The following PFKL variants were observed in gnomAD, a reference collection of about 807,000 sequenced individuals.
PFKL encodes ATP-dependent 6-phosphofructokinase, liver type.
In PFKL, 74 loss-of-function variants were observed where a neutral mutation model predicts 92.1. The observed-to-expected ratio is 0.80, with a 90% CI of 0.67 to 0.97. PFKL has a LOEUF of 0.97. Ranked by LOEUF, PFKL falls within the 50% of genes least tolerant of loss-of-function variation. The pLI is 0.00. For synonymous variants in PFKL, 494 were observed against 456.4 expected (o/e 1.08, Z -1.05); for missense variants, 1,028 against 1,116.6 (o/e 0.92, Z 1.13).
intron 1 of PFKL, among the ~76,000 whole-genome samples, chr21:44,303,433 C>CAA (rs766852746): frequency 8.1e-5 from 3 of 36,810 alleles, no homozygotes; most frequent in South Asian, 1.6e-3. Context: ...CAGACTTGAC[C>CAA]AAAAAAAAAA....
chr21:44,304,230 T>C lies in PFKL; in HGVS notation c.86-2451T>C. The C allele has an allele frequency of 2.3e-6, 3 of 1,288,894 alleles. No individual in the cohort carries two copies. In the South Asian group the frequency reaches 3.7e-5, roughly 16 times the overall value. 79.8% of individuals were successfully genotyped at this position (1,288,894 alleles called of 1,614,324 possible). On this transcript the variant is annotated intron_variant, in intron 1 of 21. Transcript: ENST00000349048. The stretch of plus-strand genomic sequence containing the variant: ...CCTGAAGACATTTGGAAGTGAGGGG[T>C]ACCCTTGCTGACCCCTGATCCTGGG...
intron 9 of PFKL, among the ~76,000 whole-genome samples, chr21:44,316,975 G>C (rs1219249224): frequency 1.3e-5 from 2 of 152,184 alleles, no homozygotes; most frequent in Non-Finnish European, 2.9e-5. Context: ...AGAGGGGCTG[G>C]GTGGGCAGAG....
At chr21:44,304,158 G>A (rs565684514) in intron 1 of PFKL, 6 of 1,263,734 alleles carry the variant, frequency 4.7e-6, no homozygotes, top group East Asian at 6.0e-5. Flanking sequence ...GGTTTTGGCA[G>A]CTTCATTGTC....
chr21:44,302,816 G>A (rs995840463), intron 1 of PFKL, among the ~76,000 whole-genome samples: 1 of 152,234 alleles, frequency 6.6e-6, no homozygotes, highest in Non-Finnish European at 1.5e-5. Context: ...CAGCCCACAA[G>A]TCCTGTCCTG....
At chr21:44,301,863 G>C (rs148043517) in intron 1 of PFKL, among the ~76,000 whole-genome samples, 2 of 152,180 alleles carry the variant, frequency 1.3e-5, no homozygotes, top group East Asian at 3.9e-4. Context: ...GGGGTGGCAC[G>C]TGCCCCCCCC....
intron 7 of PFKL, 100 bp from the exon 8 acceptor site, chr21:44,316,144 T>G: frequency 9.5e-7 from 1 of 1,049,528 alleles, no homozygotes; most frequent in Non-Finnish European, 1.5e-6. Context: ...CCATGTGGGT[T>G]GGGAATGGTG....
chr21:44,312,945 C>G, intron 4 of PFKL, 33 bp from the exon 5 acceptor site: 1 of 1,608,608 alleles, frequency 6.2e-7, no homozygotes, highest in Non-Finnish European at 8.5e-7. Flanking sequence ...CCAGTGGAGC[C>G]TCAGCCAGGT....
intron 1 of PFKL, among the ~76,000 whole-genome samples, chr21:44,304,990 C>T (rs533015737): frequency 3.7e-4 from 57 of 152,280 alleles, no homozygotes; most frequent in Non-Finnish European, 5.7e-4. Flanking sequence ...TCTGCCCATT[C>T]TAACGTCTGT....
At position 44,322,087 on chromosome 21, in the gene PFKL, G is replaced by C. The variant is rs757527922; in HGVS notation, c.1339-46G>C. 62 of 1,571,598 alleles carry C rather than the reference G, an allele frequency of 3.9e-5. 1 individual carries two copies. In the South Asian group the frequency reaches 6.9e-4, roughly 18 times the overall value. ...ACAGGCCCACCCCTGGGGGGAATTG[G>C]CCAGAGGCTCAGGCTGGCCCCTGAA... On this transcript the variant is annotated intron_variant, in intron 13 of 21. Coordinates refer to ENST00000349048, the MANE Select transcript of PFKL (RefSeq NM_002626.6).
chr21:44,303,711 T>C (rs2040846348), intron 1 of PFKL, among the ~76,000 whole-genome samples: 1 of 152,166 alleles, frequency 6.6e-6, no homozygotes, highest in Admixed American at 6.6e-5. Flanking sequence ...ATCATTAAAC[T>C]TTGTGACCAT....
chr21:44,327,158 C>T lies in PFKL; in HGVS notation c.*296C>T, dbSNP rs1285566081. The T allele has an allele frequency of 2.6e-5, 12 of 461,382 alleles. No individual in the cohort carries two copies. The highest frequency in any genetic ancestry group is 9.8e-5 in the African/African-American group (5 of 50,962). 28.6% of individuals were successfully genotyped at this position (461,382 alleles called of 1,614,324 possible). On this transcript the variant is annotated 3_prime_UTR_variant, in exon 22 of 22. Transcript: ENST00000349048. Reference sequence around the variant, plus strand: ...GGAGGCTGCTGCCCCCTGGCTTTGGCGCCCCATGGGCCCTCAGCGTCTCCC... The same window carrying T: ...GGAGGCTGCTGCCCCCTGGCTTTGGTGCCCCATGGGCCCTCAGCGTCTCCC...
chr21:44,309,288 G>A (rs149128671), intron 2 of PFKL, among the ~76,000 whole-genome samples: 176 of 152,178 alleles, frequency 1.2e-3, no homozygotes, highest in African/African-American at 4.2e-3. Flanking sequence ...TGACACAAAG[G>A]AGGGCTCAGA....
chr21:44,301,507 A>G (rs1380279450), intron 1 of PFKL, among the ~76,000 whole-genome samples: 1 of 152,198 alleles, frequency 6.6e-6, no homozygotes, highest in Non-Finnish European at 1.5e-5. Context: ...AAAGGTAGCT[A>G]GAAGACTTGA....
intron 12 of PFKL, 35 bp downstream of exon 12, chr21:44,320,182 C>T (rs375973531): frequency 1.1e-5 from 18 of 1,584,146 alleles, no homozygotes; most frequent in Middle Eastern, 1.7e-4. Flanking sequence ...GAGGGAGGAA[C>T]GGGCTCAGTT....
intron 4 of PFKL, 145 bp from the exon 5 acceptor site, chr21:44,312,833 A>C (rs2047085880): frequency 1.3e-6 from 1 of 758,852 alleles, no homozygotes; most frequent in Non-Finnish European, 2.1e-6. Flanking sequence ...GGTTCCAGGC[A>C]GGAGGAGGCT....
At chr21:44,310,556 C>T (rs1025875561) in intron 2 of PFKL, among the ~76,000 whole-genome samples, 5 of 152,200 alleles carry the variant, frequency 3.3e-5, no homozygotes, top group East Asian at 3.8e-4. Flanking sequence ...CACACCCCGC[C>T]GGCCGCATGC....
rs1057222 is a variant in PFKL, at chr21:44,327,341, A to C, written c.*479A>C. The C allele has an allele frequency of 1.2e-5, 2 of 173,504 alleles. No individual in the cohort carries two copies. Among genetic ancestry groups the C allele is most frequent in the South Asian group, 1.4e-4 (1 of 7,036 alleles). 10.7% of individuals were successfully genotyped at this position (173,504 alleles called of 1,614,324 possible). ...TGTCACCTTTTCTAGAAATAAAATC[A>C]CCCTGACTGTGGGGTGCATCGGTCT... On this transcript the variant is annotated 3_prime_UTR_variant, in exon 22 of 22. Coordinates refer to ENST00000349048, the MANE Select transcript of PFKL (RefSeq NM_002626.6).
At chr21:44,324,747 G>T in intron 17 of PFKL, 92 bp downstream of exon 17, 1 of 1,566,150 alleles carries the variant, frequency 6.4e-7, no homozygotes, top group Non-Finnish European at 8.7e-7. Flanking sequence ...GGCAGGGCCC[G>T]GGCAGGTGGG....
Position 44,324,483 on chromosome 21 carries a change from T to TC in PFKL, c.1651-3dup. 6.2e-7 allele frequency: 1 copy of TC among 1,612,580 alleles called. No homozygotes were observed. The highest frequency in any genetic ancestry group is 8.5e-7 in the Non-Finnish European group (1 of 1,179,586). On this transcript the variant is annotated splice_region_variant and splice_polypyrimidine_tract_variant and intron_variant, in intron 16 of 21. Coordinates refer to ENST00000349048, the MANE Select transcript of PFKL (RefSeq NM_002626.6). ...GTGGAGGACCCCCGACCCCCCCTTG[T>TC]CCCCCAGAGCTGTGACCGCATCAAA...
Sources: gnomAD v4.1 joint callset for allele counts (sites outside exome capture counted in the v4.1 genomes callset) on GRCh38, gnomAD v4.1.1 for gene constraint, MANE v1.5 for transcripts, NCBI Gene and HGNC (gene_info 2026-07-23, HGNC 2026-07-21) for gene names.